Variants in KSR2 observed in about 807,000 individuals in gnomAD.
KSR2 encodes the protein kinase suppressor of ras 2.
A neutral mutation model predicts 107.8 loss-of-function variants in KSR2; 25 were observed. The ratio of observed to expected loss-of-function variants is 0.23; its 90% CI spans 0.17 to 0.32. The LOEUF (loss-of-function observed/expected upper bound fraction) is 0.32. Among genes scored for constraint, KSR2 ranks in the 10% least tolerant of loss-of-function variants. KSR2 has a pLI of 1.00. For missense variants in KSR2, 887 were observed against 1,268.9 expected, an observed-to-expected ratio of 0.70 and a Z score of 4.57; for synonymous variants, 480 against 507.0, an observed-to-expected ratio of 0.95 and a Z score of 0.71.
chr12:117,745,257 T>C lies in KSR2; in HGVS notation c.986+15754A>G, dbSNP rs562610311. On this transcript the variant is annotated intron_variant, in intron 4 of 19. Coordinates refer to ENST00000339824, the MANE Select transcript of KSR2 (RefSeq NM_173598.6). ...CTCTCTTACAGCCTATTTTCTCACCTACAAAATGGGACTTTCAGGACTAAA... is the reference window on the plus strand; with the variant it reads ...CTCTCTTACAGCCTATTTTCTCACCCACAAAATGGGACTTTCAGGACTAAA... Among the ~76,000 whole-genome samples, 438 of 152,278 alleles carry C rather than the reference T, an allele frequency of 2.9e-3. 1 individual carries two copies. Among genetic ancestry groups the C allele is most frequent in the African/African-American group, 9.8e-3 (406 of 41,558 alleles).
chr12:117,815,833 G>A (rs535676052), intron 3 of KSR2, among the ~76,000 whole-genome samples: 11 of 152,184 alleles, frequency 7.2e-5, no homozygotes, highest in Non-Finnish European at 1.5e-4. Flanking sequence ...AAATTAGCCA[G>A]GCATGGTGGC....
At chr12:117,547,649 T>C (rs145741528) in intron 9 of KSR2, among the ~76,000 whole-genome samples, 34 of 152,156 alleles carry the variant, frequency 2.2e-4, no homozygotes, top group Admixed American at 3.9e-4. Flanking sequence ...GGTAGGACGG[T>C]TATTGGGTAA....
chr12:117,626,265 C>T (rs993076959), intron 5 of KSR2, among the ~76,000 whole-genome samples: 1 of 152,016 alleles, frequency 6.6e-6, no homozygotes, highest in Non-Finnish European at 1.5e-5. Flanking sequence ...TTTGTTTACT[C>T]GTGCTTCTCT....
chr12:117,656,495 T>TGGGGA (rs1884162489), intron 5 of KSR2, among the ~76,000 whole-genome samples: 1 of 152,200 alleles, frequency 6.6e-6, no homozygotes, highest in Non-Finnish European at 1.5e-5. Flanking sequence ...ATGCCTGTAA[T>TGGGGA]CCCAGCTACT....
rs776051980 is a variant in KSR2 at position 117,667,612 on chromosome 12, C to T, written c.1033G>A (p.Val345Ile). 104 of 1,611,558 alleles carry T rather than the reference C, an allele frequency of 6.5e-5. No homozygotes were observed. The Admixed American group carries it at 1.3e-3, about 19-fold the overall frequency. Reference protein sequence around the residue: ...KPLNLKIHSSVGSCENIPSQQ... With the variant: ...KPLNLKIHSSIGSCENIPSQQ... ...GAGGGGATGTTCTCGCAGCTGCCTA[C>T]GCTGCTGTGGATCTTGAGGTTCAAG... Residue 345 changes from valine to isoleucine, a missense_variant, in exon 5 of 20, where the codon GTA (valine) becomes ATA (isoleucine). Val to Ile is a conservative substitution (Grantham distance 29). Coordinates refer to ENST00000339824, the MANE Select transcript of KSR2 (RefSeq NM_173598.6).
intron 1 of KSR2, among the ~76,000 whole-genome samples, chr12:117,959,720 C>T (rs189551488): frequency 1.3e-5 from 2 of 152,208 alleles, no homozygotes; most frequent in African/African-American, 4.8e-5. Flanking sequence ...CACTTGAGCC[C>T]AGGAGTTGGA....
chr12:117,804,353 T>G (rs942583771), intron 3 of KSR2, among the ~76,000 whole-genome samples: 1 of 152,216 alleles, frequency 6.6e-6, no homozygotes, highest in Non-Finnish European at 1.5e-5. Flanking sequence ...ATTTATTGTC[T>G]ATACCTGATT....
intron 3 of KSR2, among the ~76,000 whole-genome samples, chr12:117,796,802 G>C (rs1890646724): frequency 6.6e-6 from 1 of 152,118 alleles, no homozygotes; most frequent in South Asian, 2.1e-4. Context: ...TAGATCTCCA[G>C]CTCAACCCAT....
At chr12:117,877,031 A>C (rs1282838148) in intron 1 of KSR2, among the ~76,000 whole-genome samples, 1 of 152,160 alleles carries the variant, frequency 6.6e-6, no homozygotes, top group African/African-American at 2.4e-5. Context: ...GTTTGTGTTA[A>C]GTTTTTATGT....
intron 5 of KSR2, among the ~76,000 whole-genome samples, chr12:117,616,368 G>A (rs1188493579): frequency 6.6e-6 from 1 of 152,168 alleles, no homozygotes; most frequent in Non-Finnish European, 1.5e-5. Flanking sequence ...ATATTTGAGA[G>A]TTTAAGTTAT....
intron 14 of KSR2, among the ~76,000 whole-genome samples, chr12:117,495,927 G>A (rs915004701): frequency 2.3e-4 from 35 of 151,824 alleles, no homozygotes; most frequent in Admixed American, 3.9e-4. Flanking sequence ...GGTTGTGTGC[G>A]CCTGTAGTCC....
At chr12:117,716,009 T>G (rs1357148943) in intron 4 of KSR2, among the ~76,000 whole-genome samples, 4 of 152,342 alleles carry the variant, frequency 2.6e-5, no homozygotes, top group South Asian at 2.1e-4. Flanking sequence ...GTACGGCCTC[T>G]TCTCTGACCT....
intron 5 of KSR2, among the ~76,000 whole-genome samples, chr12:117,654,644 T>C (rs1475157606): frequency 6.6e-6 from 1 of 152,128 alleles, no homozygotes; most frequent in Non-Finnish European, 1.5e-5. Flanking sequence ...TAGCCAGTGG[T>C]TTGGCTGGAT....
rs767566016 is a variant in KSR2 at position 117,558,615 on chromosome 12, C to T, written c.1326-42G>A. Reference sequence around the variant, plus strand: ...GAGAGAAAGATGGATAGGTGAATGGCTGAGTGAGCGGGTAGGTGGGTGGGT... The same window carrying T: ...GAGAGAAAGATGGATAGGTGAATGGTTGAGTGAGCGGGTAGGTGGGTGGGT... On this transcript the variant is annotated intron_variant, in intron 7 of 19. Transcript: ENST00000339824. 3 of 1,521,758 alleles carry T rather than the reference C, an allele frequency of 2.0e-6. No homozygotes were observed. In the South Asian group the frequency reaches 3.4e-5, roughly 17 times the overall value. 94.3% of individuals were successfully genotyped at this position (1,521,758 alleles called of 1,614,324 possible).
intron 1 of KSR2, among the ~76,000 whole-genome samples, chr12:117,896,910 G>T (rs1894530844): frequency 6.6e-6 from 1 of 152,150 alleles, no homozygotes; most frequent in Admixed American, 6.6e-5. Context: ...TATAAAATGG[G>T]TAGGCAGTCG....
chr12:117,943,902 C>T lies in KSR2; in HGVS notation c.180+24174G>A, dbSNP rs188711392. On this transcript the variant is annotated intron_variant, in intron 1 of 19. Coordinates refer to ENST00000339824, the MANE Select transcript of KSR2 (RefSeq NM_173598.6). ...CTGATAATTTTATAAGGGATTTCCC[C>T]TTTCACTTGGTTCTCATTCACTCTT... Among the ~76,000 whole-genome samples the T allele has an allele frequency of 5.8e-3, 877 of 152,246 alleles. 1 individual carries two copies. Among genetic ancestry groups the T allele is most frequent in the Non-Finnish European group, 8.2e-3 (559 of 68,020 alleles).
chr12:117,633,000 C>T (rs954615959), intron 5 of KSR2, among the ~76,000 whole-genome samples: 3 of 152,124 alleles, frequency 2.0e-5, no homozygotes, highest in Non-Finnish European at 4.4e-5. Flanking sequence ...TAATGAACTG[C>T]TCTATTTTTA....
At chr12:117,628,353 T>C (rs1045533601) in intron 5 of KSR2, among the ~76,000 whole-genome samples, 1 of 152,224 alleles carries the variant, frequency 6.6e-6, no homozygotes, top group African/African-American at 2.4e-5. Flanking sequence ...CTTTGGTCTT[T>C]GGTGTTGGTG....
intron 3 of KSR2, among the ~76,000 whole-genome samples, chr12:117,833,925 T>G (rs1381587828): frequency 1.3e-5 from 2 of 150,764 alleles, no homozygotes; most frequent in African/African-American, 4.9e-5. Context: ...GCCCAGGAGT[T>G]CAATACCAGC....
Sources: allele counts gnomAD v4.1 joint callset (sites outside exome capture counted in the v4.1 genomes callset), GRCh38; gene constraint gnomAD v4.1.1; transcripts MANE v1.5; gene names NCBI Gene and HGNC (gene_info 2026-07-23, HGNC 2026-07-21).